The following SLC7A7 variants were observed in gnomAD, a reference collection of about 807,000 sequenced individuals.
SLC7A7 encodes the protein solute carrier family 7 member 7.
A neutral mutation model predicts 47.9 loss-of-function variants in SLC7A7; 39 were observed. The ratio of observed to expected loss-of-function variants is 0.81; its 90% confidence interval spans 0.63 to 1.06. The LOEUF (loss-of-function observed/expected upper bound fraction) is 1.06. Ranked by LOEUF, SLC7A7 falls within the 50% of genes least tolerant of loss-of-function variation. SLC7A7 has a pLI of 0.00. For synonymous variants in SLC7A7, 234 were observed against 242.8 expected, an observed-to-expected ratio of 0.96 and a Z score of 0.34; for missense variants, 588 against 632.0, an observed-to-expected ratio of 0.93 and a Z score of 0.75.
upstream of SLC7A7, among the ~76,000 whole-genome samples, chr14:22,817,045 C>T (rs1222667275): frequency 1.3e-5 from 2 of 151,956 alleles, no homozygotes; most frequent in African/African-American, 4.8e-5. Context: ...ACCTCCAGAG[C>T]TCATATACTC....
chr14:22,775,038 C>T (rs61974189), intron 7 of SLC7A7, among the ~76,000 whole-genome samples: 6,087 of 152,232 alleles, frequency 0.04, 147 homozygotes, highest in Middle Eastern at 0.14. Flanking sequence ...CCATTTGCAA[C>T]CCTAGCCATC....
intron 2 of SLC7A7, among the ~76,000 whole-genome samples, chr14:22,805,899 T>C (rs1193321781): frequency 6.6e-6 from 1 of 152,016 alleles, no homozygotes; most frequent in Non-Finnish European, 1.5e-5. Flanking sequence ...TCCCAGCACT[T>C]TGGGAGGCTG....
Position 22,778,792 on chromosome 14 carries a change from C to T in SLC7A7, c.770+1G>A. ...TGGAAAGTTGGTGGTGCAGTACCTA[C>T]CTCTCAGGATTCTTGATCTCTTCAG... On this transcript the variant is annotated splice_donor_variant, in intron 4 of 9. Coordinates refer to ENST00000674313, the MANE Select transcript of SLC7A7 (RefSeq NM_003982.4). LOFTEE classifies it high-confidence loss of function. The T allele has an allele frequency of 6.2e-7, 1 of 1,614,012 alleles. No homozygotes were observed. Among genetic ancestry groups the T allele is most frequent in the Non-Finnish European group, 8.5e-7 (1 of 1,179,916 alleles).
At chr14:22,801,558 C>T (rs564981172) in intron 2 of SLC7A7, among the ~76,000 whole-genome samples, 4 of 152,060 alleles carry the variant, frequency 2.6e-5, no homozygotes, top group East Asian at 1.9e-4. Flanking sequence ...CCGAGGCAGG[C>T]GGATCATGAG....
At chr14:22,782,461 TTTATTTTA>T (rs1363572028) in intron 2 of SLC7A7, among the ~76,000 whole-genome samples, 3 of 149,828 alleles carry the variant, frequency 2.0e-5, no homozygotes. Context: ...TATTTATTTA[TTTATTTTA>T]TTTATTTTTT....
At chr14:22,777,345 T>C (rs539088494) in intron 4 of SLC7A7, among the ~76,000 whole-genome samples, 1 of 152,106 alleles carries the variant, frequency 6.6e-6, no homozygotes, top group South Asian at 2.1e-4. Flanking sequence ...TGGAGGCAAA[T>C]TGTGAAATTT....
At chr14:22,779,466 T>C (rs200853631) in intron 3 of SLC7A7, among the ~76,000 whole-genome samples, 1 of 127,176 alleles carries the variant, frequency 7.9e-6, no homozygotes, top group African/African-American at 2.6e-5. Context: ...TTTTTTTTTT[T>C]GGGGGGGGGA....
chr14:22,788,044 G>A (rs1303150886), intron 2 of SLC7A7, among the ~76,000 whole-genome samples: 1 of 152,004 alleles, frequency 6.6e-6, no homozygotes, highest in Non-Finnish European at 1.5e-5. Context: ...CCGCACTCCA[G>A]CCTGGGTGAC....
chr14:22,785,528 G>A lies in SLC7A7; in HGVS notation c.500-5477C>T, dbSNP rs190799464. Among the ~76,000 whole-genome samples the A allele has an allele frequency of 7.4e-4, 111 of 151,008 alleles. 1 individual carries two copies. In the East Asian group the frequency reaches 0.022, roughly 30 times the overall value. On this transcript the variant is annotated intron_variant, in intron 2 of 9. Transcript: ENST00000674313. ...AGATCATCTGAGGTTGGGAGTTCGA[G>A]ACCAGCCTGACCAACATGGAGAAAC... is the stretch of plus-strand genomic sequence containing the variant.
chr14:22,812,522 G>A (rs1281494308), intron 2 of SLC7A7, among the ~76,000 whole-genome samples: 1 of 151,386 alleles, frequency 6.6e-6, no homozygotes, highest in Non-Finnish European at 1.5e-5. Context: ...TGTGGTCCCT[G>A]CTACTCAGGA....
chr14:22,810,748 C>A (rs1283146496), intron 2 of SLC7A7, among the ~76,000 whole-genome samples: 1 of 151,962 alleles, frequency 6.6e-6, no homozygotes, highest in Non-Finnish European at 1.5e-5. Context: ...GAGGCCAAGG[C>A]GGGCGGATCA....
intron 2 of SLC7A7, among the ~76,000 whole-genome samples, chr14:22,805,584 G>T (rs994139318): frequency 6.6e-6 from 1 of 152,066 alleles, no homozygotes; most frequent in South Asian, 2.1e-4. Flanking sequence ...AGACAAATGC[G>T]GGGGAAGAAC....
At chr14:22,805,669 T>C (rs2039189248) in intron 2 of SLC7A7, among the ~76,000 whole-genome samples, 1 of 152,130 alleles carries the variant, frequency 6.6e-6, no homozygotes, top group Non-Finnish European at 1.5e-5. Context: ...GATGCTAGGC[T>C]TAATACCCAG....
intron 2 of SLC7A7, among the ~76,000 whole-genome samples, chr14:22,797,541 T>G (rs930658549): frequency 5.3e-5 from 8 of 152,068 alleles, no homozygotes; most frequent in Non-Finnish European, 1.2e-4. Flanking sequence ...AAGAATCAGT[T>G]GCTATGAAAG....
At chr14:22,802,718 T>A (rs1297595445) in intron 2 of SLC7A7, among the ~76,000 whole-genome samples, 4 of 152,154 alleles carry the variant, frequency 2.6e-5, no homozygotes, top group Non-Finnish European at 5.9e-5. Flanking sequence ...CCTAATAGTG[T>A]CTCTGCCTCC....
intron 2 of SLC7A7, among the ~76,000 whole-genome samples, chr14:22,801,209 G>A (rs2039107266): frequency 1.3e-5 from 2 of 152,084 alleles, no homozygotes; most frequent in African/African-American, 4.8e-5. Flanking sequence ...ATTTACCTCT[G>A]CAAGCCAACT....
intron 2 of SLC7A7, among the ~76,000 whole-genome samples, chr14:22,795,449 ATTCTTTTCTTTTCTTTTCTT>A (rs141036441): frequency 0.01 from 1,251 of 123,934 alleles, 22 homozygotes; most frequent in Non-Finnish European, 0.013. Context: ...TTTCTTTTCT[ATTCTTTTCTTTTCTTTTCTT>A]TTCTTTTCTT....
intron 3 of SLC7A7, among the ~76,000 whole-genome samples, chr14:22,779,286 C>G (rs1432875992): frequency 3.3e-5 from 5 of 152,162 alleles, no homozygotes; most frequent in Non-Finnish European, 7.4e-5. Context: ...CTATCACAAT[C>G]TGCCAAAGGC....
At position 22,794,049 on chromosome 14, in the gene SLC7A7, A is replaced by C. The variant is rs532858644; in HGVS notation, c.500-13998T>G. On this transcript the variant is annotated intron_variant, in intron 2 of 9. Coordinates refer to ENST00000674313, the MANE Select transcript of SLC7A7 (RefSeq NM_003982.4). Reference sequence around the variant, plus strand: ...TCTGATTCCCTGTGATTTCATCTCTAACTAATCAGCACTCCTGGCTCACTG... The same window carrying C: ...TCTGATTCCCTGTGATTTCATCTCTCACTAATCAGCACTCCTGGCTCACTG... 5.3e-5 allele frequency among the ~76,000 whole-genome samples: 8 copies of C among 152,146 alleles called. No individual in the cohort carries two copies. The South Asian group carries it at 1.7e-3, about 32-fold the overall frequency.
Sources: allele counts gnomAD v4.1 joint callset (sites outside exome capture counted in the v4.1 genomes callset), GRCh38; gene constraint gnomAD v4.1.1; transcripts MANE v1.5; gene names NCBI Gene and HGNC (gene_info 2026-07-23, HGNC 2026-07-21).